The following RIC1 variants were observed in gnomAD, a reference collection of about 807,000 sequenced individuals.
RIC1 encodes the protein RIC1 partner of RAB6A GEF complex.
Under a neutral mutation model 169.0 loss-of-function variants are expected in RIC1, and 88 were observed. The observed-to-expected ratio is 0.52, with a 90% CI of 0.44 to 0.62. RIC1 has a LOEUF of 0.62. Among genes scored for constraint, RIC1 ranks in the 20% least tolerant of loss-of-function variants. RIC1 has a pLI of 0.00. For missense variants in RIC1, 1,877 were observed against 1,725.5 expected, an observed-to-expected ratio of 1.09 and a Z score of -1.56; for synonymous variants, 790 against 601.5, an observed-to-expected ratio of 1.31 and a Z score of -4.59.
chr9:5,664,151 T>C (rs1411317828), intron 2 of RIC1, among the ~76,000 whole-genome samples: 1 of 152,200 alleles, frequency 6.6e-6, no homozygotes, highest in Non-Finnish European at 1.5e-5. Flanking sequence ...GGCTCACACC[T>C]GTAATCCCAG....
At chr9:5,680,705 C>A (rs963412226) in intron 2 of RIC1, among the ~76,000 whole-genome samples, 2 of 149,964 alleles carry the variant, frequency 1.3e-5, no homozygotes, top group African/African-American at 4.9e-5. Context: ...TCCCCTTTGT[C>A]ATTTTTTATT....
intron 1 of RIC1, among the ~76,000 whole-genome samples, chr9:5,644,096 G>A (rs954840475): frequency 6.6e-6 from 1 of 152,166 alleles, no homozygotes; most frequent in African/African-American, 2.4e-5. Context: ...GCTTTGAGGT[G>A]CATAAAAATA....
At chr9:5,714,634 TGAG>T (rs2130833394) in intron 4 of RIC1, among the ~76,000 whole-genome samples, 1 of 152,320 alleles carries the variant, frequency 6.6e-6, no homozygotes, top group East Asian at 1.9e-4. Context: ...GTAAAAACAT[TGAG>T]GACATTCTTT....
At chr9:5,651,788 G>A (rs1325382352) in intron 1 of RIC1, among the ~76,000 whole-genome samples, 2 of 151,802 alleles carry the variant, frequency 1.3e-5, no homozygotes, top group East Asian at 1.9e-4. Context: ...GGTTGGTCTC[G>A]AACTCCTGAT....
At chr9:5,665,031 A>G (rs1819669775) in intron 2 of RIC1, among the ~76,000 whole-genome samples, 1 of 152,046 alleles carries the variant, frequency 6.6e-6, no homozygotes, top group East Asian at 1.9e-4. Flanking sequence ...TCCCACTATT[A>G]TTGTGTGGGA....
At chr9:5,696,901 G>T (rs1396522213) in intron 3 of RIC1, among the ~76,000 whole-genome samples, 1 of 152,128 alleles carries the variant, frequency 6.6e-6, no homozygotes, top group Non-Finnish European at 1.5e-5. Flanking sequence ...GAGGCTTTTT[G>T]TATGTCTTTT....
At position 5,772,706 on chromosome 9, in the gene RIC1, C is replaced by G. The variant is rs946910123; in HGVS notation, c.3759C>G (p.Ala1253=). The G allele has an allele frequency of 6.2e-7, 1 of 1,610,794 alleles. No homozygotes were observed. The highest frequency in any genetic ancestry group is 8.5e-7 in the Non-Finnish European group (1 of 1,179,128). ...SELEHISMEL[A]SKGPHKSQVQ... ...TGGAGCACATTTCCATGGAGTTGGC[C>G]AGTAAAGGGCCTCATAAATCCCAGG... Residue 1253 remains alanine, a synonymous_variant, in exon 24 of 26, where the codon GCC becomes GCG. Coordinates refer to ENST00000414202, the MANE Select transcript of RIC1 (RefSeq NM_020829.4).
At chr9:5,667,719 G>C (rs1290310721) in intron 2 of RIC1, among the ~76,000 whole-genome samples, 1 of 152,042 alleles carries the variant, frequency 6.6e-6, no homozygotes, top group Non-Finnish European at 1.5e-5. Flanking sequence ...TGGCCAGGCT[G>C]GTCTCAAACT....
intron 16 of RIC1, 151 bp from the exon 17 acceptor site, chr9:5,757,162 C>G: frequency 1.1e-6 from 1 of 884,426 alleles, no homozygotes; most frequent in Non-Finnish European, 1.7e-6. Flanking sequence ...TTGCCAACTT[C>G]CTGATCGAAG....
intron 2 of RIC1, among the ~76,000 whole-genome samples, chr9:5,689,117 T>C (rs768327637): frequency 3.6e-4 from 53 of 148,426 alleles, no homozygotes; most frequent in Non-Finnish European, 5.2e-4. Flanking sequence ...GGCGCGATCT[T>C]AGCTCACTGC....
chr9:5,753,376 T>C (rs1047323657), intron 13 of RIC1, 138 bp downstream of exon 13: 1 of 847,952 alleles, frequency 1.2e-6, no homozygotes, highest in African/African-American at 1.7e-5. Flanking sequence ...TATATTAACA[T>C]CTATAATTTT....
chr9:5,752,258 A>G (rs1242547233), intron 12 of RIC1, among the ~76,000 whole-genome samples: 2 of 152,166 alleles, frequency 1.3e-5, no homozygotes, highest in Non-Finnish European at 2.9e-5. Context: ...TAATATATTA[A>G]AAGTTCTTGT....
chr9:5,691,858 A>G (rs766910631), intron 3 of RIC1, among the ~76,000 whole-genome samples: 19 of 151,904 alleles, frequency 1.3e-4, no homozygotes, highest in Non-Finnish European at 1.5e-4. Flanking sequence ...TGAAAATTCT[A>G]TTTTCTTTAT....
chr9:5,632,692 A>T (rs1358680785), intron 1 of RIC1, among the ~76,000 whole-genome samples: 4 of 152,204 alleles, frequency 2.6e-5, no homozygotes, highest in Non-Finnish European at 4.4e-5. Context: ...TAAAAGGACT[A>T]GTTTCAGCTT....
intron 4 of RIC1, among the ~76,000 whole-genome samples, chr9:5,714,562 T>C (rs1422964668): frequency 6.6e-6 from 1 of 152,210 alleles, no homozygotes; most frequent in Admixed American, 6.5e-5. Context: ...TGTCACTTAG[T>C]TTAGCTGCAT....
rs892976175 is a variant in RIC1, at chr9:5,720,876, C to T, written c.720+126C>T. 9 of 836,594 alleles carry T rather than the reference C, an allele frequency of 1.1e-5. No homozygotes were observed. The East Asian group carries it at 1.1e-4, about 10-fold the overall frequency. The allele number at this position is 836,594 out of a possible 1,614,324, so 51.8% of individuals were successfully genotyped here. A position where few individuals can be genotyped will look rare whatever the true frequency, so the allele number is the denominator to read the frequency against. ...AGGGTTGTTAATTTTTTAATCAAACCAAACATATAAATAGTATAAGTAGAC... is the reference window on the plus strand; with the variant it reads ...AGGGTTGTTAATTTTTTAATCAAACTAAACATATAAATAGTATAAGTAGAC... On this transcript the variant is annotated intron_variant, in intron 6 of 25. Coordinates refer to ENST00000414202, the MANE Select transcript of RIC1 (RefSeq NM_020829.4).
chr9:5,651,580 T>TTTA (rs1554658736), intron 1 of RIC1, among the ~76,000 whole-genome samples: 1 of 147,526 alleles, frequency 6.8e-6, no homozygotes, highest in Non-Finnish European at 1.5e-5. Flanking sequence ...TTTTTTTTTT[T>TTTA]ATTGAGACAG....
intron 2 of RIC1, among the ~76,000 whole-genome samples, chr9:5,667,251 G>A (rs1424190394): frequency 6.6e-6 from 1 of 152,140 alleles, no homozygotes; most frequent in Non-Finnish European, 1.5e-5. Context: ...GTGCCCAGGA[G>A]TTCAAGGTTA....
intron 1 of RIC1, 87 bp downstream of exon 1, chr9:5,629,540 A>ACTC: frequency 7.3e-7 from 1 of 1,363,358 alleles, no homozygotes; most frequent in Middle Eastern, 2.0e-4. Context: ...AGAGCCTAGG[A>ACTC]CTCCTGCCCC....
Sources: gnomAD v4.1 joint callset for allele counts (sites outside exome capture counted in the v4.1 genomes callset) on GRCh38, gnomAD v4.1.1 for gene constraint, MANE v1.5 for transcripts, NCBI Gene and HGNC (gene_info 2026-07-23, HGNC 2026-07-21) for gene names.